The following PCDHAC1 variants were observed in gnomAD, a reference collection of about 807,000 sequenced individuals.
PCDHAC1 encodes the protein protocadherin alpha-C1.
PCDHAC1 carries 42 observed loss-of-function variants against 60.0 expected under a neutral mutation model. The ratio of observed to expected loss-of-function variants is 0.70; its 90% CI spans 0.55 to 0.90. The LOEUF is 0.90. Ranked by LOEUF, PCDHAC1 falls within the 40% of genes least tolerant of loss-of-function variation. The pLI, the probability that PCDHAC1 is intolerant of heterozygous loss-of-function variation, is 0.00. For missense variants in PCDHAC1, 1,160 were observed against 1,222.3 expected, an observed-to-expected ratio of 0.95 and a Z score of 0.76; for synonymous variants, 468 against 499.3, an observed-to-expected ratio of 0.94 and a Z score of 0.84.
chr5:141,000,948 G>C (rs1032144041), intron 3 of PCDHAC1, among the ~76,000 whole-genome samples: 3 of 151,774 alleles, frequency 2.0e-5, no homozygotes, highest in Non-Finnish European at 1.5e-5. Flanking sequence ...AAATTATCTT[G>C]CTGTAATTTA....
rs73266040 is a variant in PCDHAC1 at position 140,926,675 on chromosome 5, C to G, written c.-218C>G. 1.5e-3 allele frequency: 923 copies of G among 601,544 alleles called. 7 individuals carry two copies. The African/African-American group carries it at 0.016, about 11-fold the overall frequency. The allele number at this position is 601,544 out of a possible 1,614,324, so 37.3% of individuals were successfully genotyped here. ...TCCGCTTTCCCAGACGGCTGCCCAG[C>G]CTCCAGCCTAGCAAGCCCGGCTCCC... On this transcript the variant is annotated 5_prime_UTR_variant, in exon 1 of 4. Coordinates refer to ENST00000253807, the MANE Select transcript of PCDHAC1 (RefSeq NM_018898.5).
chr5:140,943,450 T>C (rs2093496924), intron 1 of PCDHAC1, among the ~76,000 whole-genome samples: 1 of 152,012 alleles, frequency 6.6e-6, no homozygotes, highest in Non-Finnish European at 1.5e-5. Context: ...ATAGAATTGA[T>C]AAGGCTAAAT....
chr5:140,931,414 T>C (rs2087515742), intron 1 of PCDHAC1, among the ~76,000 whole-genome samples: 1 of 151,886 alleles, frequency 6.6e-6, no homozygotes, highest in Non-Finnish European at 1.5e-5. Context: ...GGCTGATGAA[T>C]CTAGAAGTTA....
At chr5:141,002,610 C>T (rs1191320958) in intron 3 of PCDHAC1, among the ~76,000 whole-genome samples, 1 of 152,200 alleles carries the variant, frequency 6.6e-6, no homozygotes, top group Non-Finnish European at 1.5e-5. Context: ...ATAAAACAGA[C>T]ACATAACACA....
intron 1 of PCDHAC1, chr5:140,966,878 G>A (rs2096064555): frequency 6.3e-7 from 1 of 1,587,174 alleles, no homozygotes; most frequent in African/African-American, 1.3e-5. Flanking sequence ...GCTGCTACCT[G>A]GCCCTGCGGC....
In PCDHAC1 at chr5:141,009,750, T is replaced by C; in HGVS notation, c.2705T>C (p.Ile902Thr). Residue 902 changes from isoleucine (I) to threonine (T), a missense_variant, in exon 4 of 4, where the codon ATT becomes ACT. By Grantham distance (89) the Ile-to-Thr change is moderately conservative. This residue lies in a region of PCDHAC1 where 1,113 missense variants were observed against 1,163.7 expected (regional missense o/e 0.96). Coordinates refer to ENST00000253807, the MANE Select transcript of PCDHAC1 (RefSeq NM_018898.5). ...CCCGGTGAGTTGCCCGACAAATTCA[T>C]TATCCCAGGATCTCCTGCAATCATC... ...SGPGELPDKF[I>T]IPGSPAIISI... 1.2e-6 allele frequency: 2 copies of C among 1,614,130 alleles called. No individual in the cohort carries two copies. The highest frequency in any genetic ancestry group is 3.3e-5 in the Admixed American group (2 of 60,026).
chr5:140,934,999 T>C (rs2090139389), intron 1 of PCDHAC1, among the ~76,000 whole-genome samples: 1 of 152,196 alleles, frequency 6.6e-6, no homozygotes, highest in Admixed American at 6.5e-5. Flanking sequence ...CCTGAATCCT[T>C]TTCATGTGAG....
chr5:140,980,412 A>G (rs1264059417), intron 2 of PCDHAC1, among the ~76,000 whole-genome samples: 4 of 152,302 alleles, frequency 2.6e-5, no homozygotes, highest in Non-Finnish European at 5.9e-5. Flanking sequence ...TGGGCAGATC[A>G]TGAGGTCAAG....
At chr5:141,001,977 A>T (rs527826696) in intron 3 of PCDHAC1, among the ~76,000 whole-genome samples, 1 of 152,246 alleles carries the variant, frequency 6.6e-6, no homozygotes, top group South Asian at 2.1e-4. Flanking sequence ...CTCTGCGCGG[A>T]AAGCCTGGAA....
At chr5:140,987,227 A>T (rs1410526870) in intron 3 of PCDHAC1, among the ~76,000 whole-genome samples, 2 of 151,696 alleles carry the variant, frequency 1.3e-5, no homozygotes, top group African/African-American at 4.8e-5. Context: ...AAAAAAAAAA[A>T]TAATAAATAA....
rs782003848 is a variant in PCDHAC1 at position 140,929,358 on chromosome 5, G to GC, written c.2433+36dup. The GC allele has an allele frequency of 3.9e-6, 6 of 1,522,886 alleles. No homozygotes were observed. The South Asian group carries it at 5.3e-5, about 13-fold the overall frequency. 94.3% of individuals were successfully genotyped at this position (1,522,886 alleles called of 1,614,324 possible). A position where few individuals can be genotyped will look rare whatever the true frequency, so the allele number is the denominator to read the frequency against. Reference sequence around the variant, plus strand: ...AATTTTATGGAATTTGATTCCTTTGGCCCGGAGATGGCTGCTAGCTGTGTT... The same window carrying GC: ...AATTTTATGGAATTTGATTCCTTTGGCCCCGGAGATGGCTGCTAGCTGTGTT... On this transcript the variant is annotated intron_variant, in intron 1 of 3. Coordinates refer to ENST00000253807, the MANE Select transcript of PCDHAC1 (RefSeq NM_018898.5).
chr5:140,943,435 A>G (rs941814689), intron 1 of PCDHAC1, among the ~76,000 whole-genome samples: 2 of 152,148 alleles, frequency 1.3e-5, no homozygotes, highest in African/African-American at 4.8e-5. Flanking sequence ...AATATGATAT[A>G]AAGGATAGAA....
intron 3 of PCDHAC1, among the ~76,000 whole-genome samples, chr5:140,997,797 C>T (rs2097786104): frequency 6.6e-6 from 1 of 151,944 alleles, no homozygotes; most frequent in Non-Finnish European, 1.5e-5. Context: ...TATAATTTAT[C>T]CAATTTGCTG....
chr5:140,928,752 T>C lies in PCDHAC1; in HGVS notation c.1860T>C (p.Thr620=), dbSNP rs781823494. 1.9e-6 allele frequency: 3 copies of C among 1,614,208 alleles called. No homozygotes were observed. The highest frequency in any genetic ancestry group is 2.5e-6 in the Non-Finnish European group (3 of 1,180,046). Residue 620 remains threonine, a synonymous_variant, in exon 1 of 4, where the codon ACT becomes ACC. Transcript: ENST00000253807. ...RISANIGELR[T]ARLVLPTDAV... ...CAGCCAATATAGGTGAGCTCCGTAC[T>C]GCTCGCTTAGTTCTTCCCACTGATG...
At chr5:140,965,521 G>A (rs1554227745) in intron 1 of PCDHAC1, among the ~76,000 whole-genome samples, 2 of 150,836 alleles carry the variant, frequency 1.3e-5, no homozygotes, top group East Asian at 3.9e-4. Flanking sequence ...TAACTGCAAA[G>A]CATTAATGGA....
rs183542590 is a variant in PCDHAC1 at position 140,969,555 on chromosome 5, C to T, written c.2434-9394C>T. On this transcript the variant is annotated intron_variant, in intron 1 of 3. Coordinates refer to ENST00000253807, the MANE Select transcript of PCDHAC1 (RefSeq NM_018898.5). ...CATTTTCAGAGGCATGAAGCCTTGT[C>T]CATAAAATTGTTTGAGAAGTGAGGA... The T allele has an allele frequency of 1.2e-5, 15 of 1,213,382 alleles. 1 individual carries two copies. The highest frequency in any genetic ancestry group is 1.7e-5 in the South Asian group (1 of 59,354). The allele number at this position is 1,213,382 out of a possible 1,614,324, so 75.2% of individuals were successfully genotyped here. A position where few individuals can be genotyped will look rare whatever the true frequency, so the allele number is the denominator to read the frequency against.
intron 3 of PCDHAC1, among the ~76,000 whole-genome samples, chr5:140,999,039 T>C (rs1554256567): frequency 6.6e-6 from 1 of 152,214 alleles, no homozygotes; most frequent in Admixed American, 6.5e-5. Flanking sequence ...CTTCGTCCAG[T>C]GTGCTTTCCA....
chr5:140,960,111 A>G (rs1554224465), intron 1 of PCDHAC1, among the ~76,000 whole-genome samples: 1 of 152,256 alleles, frequency 6.6e-6, no homozygotes, highest in African/African-American at 2.4e-5. Flanking sequence ...TGTGGGAACA[A>G]TAGTATTCCT....
intron 3 of PCDHAC1, among the ~76,000 whole-genome samples, chr5:141,009,257 C>G (rs1375950001): frequency 6.6e-6 from 1 of 152,136 alleles, no homozygotes; most frequent in Non-Finnish European, 1.5e-5. Flanking sequence ...GTGTTTGAGA[C>G]CAGCCTGGGC....
Sources: allele counts gnomAD v4.1 joint callset (sites outside exome capture counted in the v4.1 genomes callset), GRCh38; gene constraint gnomAD v4.1.1; regional missense constraint gnomAD v4.1.1; transcripts MANE v1.5; gene names NCBI Gene and HGNC (gene_info 2026-07-23, HGNC 2026-07-21).